The following KRTAP10-4 variants were observed in gnomAD, a reference collection of about 807,000 sequenced individuals.
KRTAP10-4 encodes the protein keratin associated protein 10-4.
For missense variants in KRTAP10-4, 374 were observed against 507.6 expected (o/e 0.74, Z 2.53); for synonymous variants, 147 against 213.7 (o/e 0.69, Z 2.72).
rs1555923650 is a variant in KRTAP10-4 at position 44,574,925 on chromosome 21, C to A, written c.1167C>A (p.Pro389=). ...GTGCTCCCACCTCCTCCTGCCAACC[C>A]AGCTGCTGCCGCCCAGCCTCCTGCG... ...SCCAPTSSCQ[P]SCCRPASCVS... is the part of the protein sequence containing the mutation. Residue 389 remains proline (P), a synonymous_variant, in exon 1 of 1, where the codon CCC becomes CCA. Coordinates refer to ENST00000400374, the MANE Select transcript of KRTAP10-4 (RefSeq NM_198687.2). 1.9e-6 allele frequency: 3 copies of A among 1,612,272 alleles called. No homozygotes were observed. Among genetic ancestry groups the A allele is most frequent in the South Asian group, 1.1e-5 (1 of 90,946 alleles).
chr21:44,574,605 C>T lies in KRTAP10-4; in HGVS notation c.847C>T (p.Pro283Ser), dbSNP rs1978317632. The T allele has an allele frequency of 2.3e-6, 3 of 1,298,676 alleles. No individual in the cohort carries two copies. In the East Asian group the frequency reaches 9.3e-5, roughly 40 times the overall value. 80.4% of individuals were successfully genotyped at this position (1,298,676 alleles called of 1,614,324 possible). ...PVCCKPVCCK[P>S]VCSVPICSGA... ...CTGCTGCAAGCCTGTGTGCTGCAAG[C>T]CTGTCTGCTCTGTGCCCATCTGCTC... Residue 283 changes from proline (P) to serine (S), a missense_variant, in exon 1 of 1, where the codon CCT becomes TCT. Pro to Ser is a moderately conservative substitution (Grantham distance 74). Transcript: ENST00000400374.
In KRTAP10-4 at chr21:44,574,258, G is replaced by C. The variant is rs369024686; in HGVS notation, c.500G>C (p.Gly167Ala). Residue 167 changes from glycine (G) to alanine (A), a missense_variant, in exon 1 of 1, where the codon GGG becomes GCG. Gly to Ala is a moderately conservative substitution (Grantham distance 60, BLOSUM62 0). Transcript: ENST00000400374. ...ATCTGCTGCAAGCCTGTCTGCTCTG[G>C]GATTTCCTCTTCGTGCTGCCAGCAG... Reference protein sequence around the residue: ...VPICCKPVCSGISSSCCQQSS... With the variant: ...VPICCKPVCSAISSSCCQQSS... 6.3e-7 allele frequency: 1 copy of C among 1,588,334 alleles called. No homozygotes were observed. Among genetic ancestry groups the C allele is most frequent in the South Asian group, 1.1e-5 (1 of 89,798 alleles).
Position 44,574,206 on chromosome 21 carries a change from C to G in KRTAP10-4, c.448C>G (p.Pro150Ala). Residue 150 changes from proline (P) to alanine (A), a missense_variant, in exon 1 of 1, where the codon CCC becomes GCC. Coordinates refer to ENST00000400374, the MANE Select transcript of KRTAP10-4 (RefSeq NM_198687.2). Reference protein sequence around the residue: ...SCQSACCTSSPCQQACCVPIC... With the variant: ...SCQSACCTSSACQQACCVPIC... The stretch of plus-strand genomic sequence containing the variant: ...CCAGTCAGCTTGCTGCACCTCCTCC[C>G]CCTGCCAGCAGGCCTGCTGTGTGCC... 6.2e-7 allele frequency: 1 copy of G among 1,603,024 alleles called. No homozygotes were observed. Among genetic ancestry groups the G allele is most frequent in the South Asian group, 1.1e-5 (1 of 90,322 alleles).
chr21:44,574,608 G>A lies in KRTAP10-4; in HGVS notation c.850G>A (p.Val284Ile), dbSNP rs782637308. The change falls in exon 1 of 1, where the codon GTC (valine) becomes ATC (isoleucine). Residue 284 changes from valine to isoleucine, a missense_variant. Transcript: ENST00000400374. ...CTGCAAGCCTGTGTGCTGCAAGCCT[G>A]TCTGCTCTGTGCCCATCTGCTCTGG... ...VCCKPVCCKP[V>I]CSVPICSGAS... is the part of the protein sequence containing the mutation. 2 of 1,294,370 alleles carry A rather than the reference G, an allele frequency of 1.5e-6. No individual in the cohort carries two copies. Among genetic ancestry groups the A allele is most frequent in the South Asian group, 3.4e-5 (2 of 59,164 alleles). 80.2% of individuals were successfully genotyped at this position (1,294,370 alleles called of 1,614,324 possible).
At position 44,574,326 on chromosome 21, in the gene KRTAP10-4, G is replaced by T. The variant is rs587670145; in HGVS notation, c.568G>T (p.Val190Phe). Reference sequence around the variant, plus strand: ...TGTGTCCAGCCCCTGCTGCCAGGCGGTCTGTGAGCCCAGCCCCTGCCAATC... The same window carrying T: ...TGTGTCCAGCCCCTGCTGCCAGGCGTTCTGTGAGCCCAGCCCCTGCCAATC... ...SCVSSPCCQAVCEPSPCQSGC... is the reference protein window; with the variant it reads ...SCVSSPCCQAFCEPSPCQSGC... Residue 190 changes from valine to phenylalanine, a missense_variant, in exon 1 of 1, where the codon GTC (valine) becomes TTC (phenylalanine). Transcript: ENST00000400374. The T allele has an allele frequency of 6.2e-7, 1 of 1,602,232 alleles. No individual in the cohort carries two copies. Among genetic ancestry groups the T allele is most frequent in the South Asian group, 1.1e-5 (1 of 90,532 alleles).
Position 44,575,054 on chromosome 21 carries a change from G to A in KRTAP10-4, c.*90G>A. Reference sequence around the variant, plus strand: ...GGACACGCCCCCCAGTGCCAGCCAGGCTCAGGTCCCACCTGAAAGCTGATA... The same window carrying A: ...GGACACGCCCCCCAGTGCCAGCCAGACTCAGGTCCCACCTGAAAGCTGATA... On this transcript the variant is annotated 3_prime_UTR_variant, in exon 1 of 1. Coordinates refer to ENST00000400374, the MANE Select transcript of KRTAP10-4 (RefSeq NM_198687.2). 2 of 1,556,686 alleles carry A rather than the reference G, an allele frequency of 1.3e-6. No homozygotes were observed. The highest frequency in any genetic ancestry group is 1.7e-6 in the Non-Finnish European group (2 of 1,148,232).
Sources: gnomAD v4.1 joint callset for allele counts on GRCh38, gnomAD v4.1.1 for gene constraint, MANE v1.5 for transcripts, NCBI Gene and HGNC (gene_info 2026-07-23, HGNC 2026-07-21) for gene names.